The following CSMD1 variants were observed in gnomAD, a reference collection of about 807,000 sequenced individuals.
CSMD1 encodes CUB and sushi domain-containing protein 1.
In CSMD1, 213 loss-of-function variants were observed where a neutral mutation model predicts 417.5. The ratio of observed to expected loss-of-function variants is 0.51; its 90% CI spans 0.46 to 0.57. The LOEUF (loss-of-function observed/expected upper bound fraction) is 0.57, where lower values mean the gene tolerates loss of function less well. Ranked by LOEUF, CSMD1 falls within the 20% of genes least tolerant of loss-of-function variation. The pLI is 0.00. For missense variants in CSMD1, 6,923 were observed against 4,529.7 expected (o/e 1.53, Z -15.17); for synonymous variants, 2,862 against 1,736.8 (o/e 1.65, Z -16.11).
At chr8:4,300,932 CGTT>C (rs1189726558) in intron 3 of CSMD1, among the ~76,000 whole-genome samples, 2 of 152,112 alleles carry the variant, frequency 1.3e-5, no homozygotes, top group Non-Finnish European at 2.9e-5. Flanking sequence ...TCCAGACTAT[CGTT>C]GTTGGACATT....
chr8:3,955,376 T>C (rs567895961), intron 5 of CSMD1, among the ~76,000 whole-genome samples: 3 of 152,176 alleles, frequency 2.0e-5, no homozygotes, highest in African/African-American at 7.2e-5. Context: ...TCTTACTGGT[T>C]CAGAGATTTT....
chr8:4,915,785 A>T (rs1018144552), intron 1 of CSMD1, among the ~76,000 whole-genome samples: 7 of 152,248 alleles, frequency 4.6e-5, no homozygotes, highest in African/African-American at 1.7e-4. Context: ...TAGCAGAGAC[A>T]CTTGATGCAT....
intron 5 of CSMD1, among the ~76,000 whole-genome samples, chr8:3,928,608 C>G (rs894969038): frequency 2.1e-5 from 3 of 145,622 alleles, no homozygotes; most frequent in African/African-American, 7.7e-5. Context: ...TAGATGATGT[C>G]ATAAGAAGGA....
rs573537893 is a variant in CSMD1, at chr8:4,350,992, T to G, written c.415+68961A>C. ...GCTTCTTTTAATAATTTTGCCTCTCTGCTTAATCGAAATTAAAGTTCTGTC... is the reference window on the plus strand; with the variant it reads ...GCTTCTTTTAATAATTTTGCCTCTCGGCTTAATCGAAATTAAAGTTCTGTC... On this transcript the variant is annotated intron_variant, in intron 3 of 69. Coordinates refer to ENST00000635120, the MANE Select transcript of CSMD1 (RefSeq NM_033225.6). Among the ~76,000 whole-genome samples, 11 of 152,284 alleles carry G rather than the reference T, an allele frequency of 7.2e-5. No individual in the cohort carries two copies. The South Asian group carries it at 2.3e-3, about 32-fold the overall frequency.
intron 3 of CSMD1, among the ~76,000 whole-genome samples, chr8:4,251,850 G>C (rs923895976): frequency 6.9e-6 from 1 of 144,498 alleles, no homozygotes; most frequent in African/African-American, 2.5e-5. Context: ...GATGCAGGAG[G>C]AGAGATGGAG....
At chr8:3,740,417 C>A (rs559303482) in intron 6 of CSMD1, among the ~76,000 whole-genome samples, 20 of 152,254 alleles carry the variant, frequency 1.3e-4, no homozygotes, top group African/African-American at 4.8e-4. Flanking sequence ...TGAATAAGAG[C>A]CAAATGCCTG....
intron 2 of CSMD1, among the ~76,000 whole-genome samples, chr8:4,565,720 G>A (rs981677397): frequency 2.1e-5 from 3 of 143,240 alleles, no homozygotes; most frequent in East Asian, 2.0e-4. Flanking sequence ...GGGTGACAGC[G>A]CAACACTCCA....
At chr8:4,000,055 A>G (rs1338037061) in intron 4 of CSMD1, among the ~76,000 whole-genome samples, 1 of 152,258 alleles carries the variant, frequency 6.6e-6, no homozygotes, top group Non-Finnish European at 1.5e-5. Flanking sequence ...TACAATTTGA[A>G]AACTGCAAAA....
chr8:3,466,466 G>C (rs1029532170), intron 12 of CSMD1, among the ~76,000 whole-genome samples: 2 of 151,856 alleles, frequency 1.3e-5, no homozygotes, highest in Non-Finnish European at 2.9e-5. Context: ...CTGGAGTGCA[G>C]TGGCACGATC....
chr8:4,638,004 C>G (rs761984670), intron 1 of CSMD1, among the ~76,000 whole-genome samples: 8 of 152,070 alleles, frequency 5.3e-5, no homozygotes, highest in African/African-American at 1.2e-4. Flanking sequence ...AATTCTTGCA[C>G]AAATATTGAA....
At chr8:3,549,716 C>A (rs992005829) in intron 10 of CSMD1, among the ~76,000 whole-genome samples, 2 of 152,142 alleles carry the variant, frequency 1.3e-5, no homozygotes, top group South Asian at 2.1e-4. Context: ...TGGGCCTCTA[C>A]AGAAAGTTCC....
Position 4,374,965 on chromosome 8 carries a change from G to GC in CSMD1, c.415+44987_415+44988insG, listed in dbSNP as rs1554450670. Among the ~76,000 whole-genome samples, 8 of 71,950 alleles carry GC rather than the reference G, an allele frequency of 1.1e-4. 2 individuals are homozygous for GC. Among genetic ancestry groups the GC allele is most frequent in the Non-Finnish European group, 2.0e-4 (8 of 39,744 alleles). The allele number at this position is 71,950 out of a possible 152,430, so 47.2% of individuals were successfully genotyped here. ...ATTAAACAGACAAAGGTGGGGTGGG[G>GC]GGGGGGGGCGATAGTGGGGGTACGG... On this transcript the variant is annotated intron_variant, in intron 3 of 69. Coordinates refer to ENST00000635120, the MANE Select transcript of CSMD1 (RefSeq NM_033225.6).
rs577329616 is a variant in CSMD1, at chr8:3,286,596, C to G, written c.3951-2250G>C. On this transcript the variant is annotated intron_variant, in intron 25 of 69. Coordinates refer to ENST00000635120, the MANE Select transcript of CSMD1 (RefSeq NM_033225.6). ...TGGCCGGTGATAATGAGCATTTTTT[C>G]ATATGTTTTTTGGCTGCATAAATGT... Among the ~76,000 whole-genome samples, 4 of 152,080 alleles carry G rather than the reference C, an allele frequency of 2.6e-5. No individual in the cohort carries two copies. In the East Asian group the frequency reaches 5.8e-4, roughly 22 times the overall value.
rs1809674353 is a variant in CSMD1 at position 3,926,092 on chromosome 8, CACACACA to C, written c.818+71804_818+71810del. Among the ~76,000 whole-genome samples, 7 of 49,532 alleles carry C rather than the reference CACACACA, an allele frequency of 1.4e-4. No individual in the cohort carries two copies. In the South Asian group the frequency reaches 3.1e-3, roughly 22 times the overall value. The allele number at this position is 49,532 out of a possible 152,430, so 32.5% of individuals were successfully genotyped here. A position where few individuals can be genotyped will look rare whatever the true frequency, so the allele number is the denominator to read the frequency against. The stretch of plus-strand genomic sequence containing the variant: ...CACACACAAACACCATACACACACA[CACACACA>C]CACACACACACACACACACACACAC... On this transcript the variant is annotated intron_variant, in intron 5 of 69. Transcript: ENST00000635120.
At chr8:4,949,427 G>C (rs1403672833) in intron 1 of CSMD1, among the ~76,000 whole-genome samples, 2 of 152,144 alleles carry the variant, frequency 1.3e-5, no homozygotes, top group African/African-American at 2.4e-5. Context: ...AAAATTATTT[G>C]AGTATGCTGT....
At chr8:4,805,714 CATTAT>C (rs1798549829) in intron 1 of CSMD1, among the ~76,000 whole-genome samples, 1 of 152,088 alleles carries the variant, frequency 6.6e-6, no homozygotes, top group African/African-American at 2.4e-5. Context: ...CCTCATAAAG[CATTAT>C]ATTATAATTT....
intron 3 of CSMD1, among the ~76,000 whole-genome samples, chr8:4,182,488 C>A (rs10096696): frequency 6.6e-6 from 1 of 152,022 alleles, no homozygotes; most frequent in Non-Finnish European, 1.5e-5. Context: ...AAATAAGATA[C>A]GTCACATTAT....
At chr8:3,809,898 C>T (rs1039432468) in intron 5 of CSMD1, among the ~76,000 whole-genome samples, 10 of 152,120 alleles carry the variant, frequency 6.6e-5, no homozygotes, top group African/African-American at 2.4e-4. Context: ...TTGCCTTTCT[C>T]CCATCTTTAA....
intron 23 of CSMD1, among the ~76,000 whole-genome samples, chr8:3,312,791 C>G (rs1194833004): frequency 2.3e-5 from 3 of 132,180 alleles, no homozygotes; most frequent in African/African-American, 9.0e-5. Flanking sequence ...CAGCATCTCT[C>G]AGGTTCTCAA....
Sources: allele counts gnomAD v4.1 joint callset (sites outside exome capture counted in the v4.1 genomes callset), GRCh38; gene constraint gnomAD v4.1.1; transcripts MANE v1.5; gene names NCBI Gene and HGNC (gene_info 2026-07-23, HGNC 2026-07-21).